The following UBN2 variants were observed in gnomAD, a reference collection of about 807,000 sequenced individuals.
UBN2 encodes the protein ubinuclein-2.
In UBN2, 35 loss-of-function variants were observed where a neutral mutation model predicts 120.2. The ratio of observed to expected loss-of-function variants is 0.29; its 90% CI spans 0.22 to 0.39. The LOEUF (loss-of-function observed/expected upper bound fraction) is 0.39, where lower values mean the gene tolerates loss of function less well. Among genes scored for constraint, UBN2 ranks in the 10% least tolerant of loss-of-function variants. The pLI is 1.00. For synonymous variants in UBN2, 661 were observed against 648.7 expected, an observed-to-expected ratio of 1.02 and a Z score of -0.29; for missense variants, 1,693 against 1,663.2, an observed-to-expected ratio of 1.02 and a Z score of -0.31.
chr7:139,294,635 G>GT (rs1798058171), intron 17 of UBN2, among the ~76,000 whole-genome samples: 1 of 152,196 alleles, frequency 6.6e-6, no homozygotes, highest in South Asian at 2.1e-4. Flanking sequence ...GAGGTTGGGA[G>GT]TTTGAGACCA....
chr7:139,285,559 C>T (rs990844809), intron 15 of UBN2, among the ~76,000 whole-genome samples: 1 of 152,034 alleles, frequency 6.6e-6, no homozygotes, highest in Non-Finnish European at 1.5e-5. Flanking sequence ...CTTTTTGTTC[C>T]GTTATCATTA....
At chr7:139,309,227 CAT>C (rs1000749139), downstream of UBN2, among the ~76,000 whole-genome samples, 3 of 152,162 alleles carry the variant, frequency 2.0e-5, no homozygotes, top group African/African-American at 7.2e-5. Context: ...TCAAAAAGGA[CAT>C]AACACCCCAA....
At position 139,231,503 on chromosome 7, in the gene UBN2, G is replaced by T; in HGVS notation, c.19G>T (p.Val7Leu). 2 of 1,411,570 alleles carry T rather than the reference G, an allele frequency of 1.4e-6. No individual in the cohort carries two copies. Among genetic ancestry groups the T allele is most frequent in the Non-Finnish European group, 1.9e-6 (2 of 1,075,002 alleles). 87.4% of individuals were successfully genotyped at this position (1,411,570 alleles called of 1,614,324 possible). The change falls in exon 1 of 18, where the codon GTA becomes TTA. Residue 7 changes from valine (V) to leucine (L), a missense_variant. Coordinates refer to ENST00000473989, the MANE Select transcript of UBN2 (RefSeq NM_173569.4). MAEPRR[V>L]AFISLSPVRR... ...AGTGGGGATGGCGGAGCCGCGCAGA[G>T]TAGCGTTCATTAGCTTGTCACCGGT...
At chr7:139,246,859 T>C (rs930013614) in intron 2 of UBN2, among the ~76,000 whole-genome samples, 4 of 152,198 alleles carry the variant, frequency 2.6e-5, no homozygotes, top group African/African-American at 4.8e-5. Flanking sequence ...ATAGTACTTT[T>C]GAAATTCCTC....
chr7:139,322,968 G>A, the UBN2 span, among the ~76,000 whole-genome samples: 3 of 152,114 alleles, frequency 2.0e-5, no homozygotes, highest in African/African-American at 7.2e-5. Context: ...TGACGAGAAG[G>A]AATCACTCAC....
Position 139,261,525 on chromosome 7 carries a change from T to C in UBN2, c.1179T>C (p.Phe393=). The change falls in exon 6 of 18, where the codon TTT becomes TTC. Residue 393 remains phenylalanine, a synonymous_variant. Transcript: ENST00000473989. The stretch of plus-strand genomic sequence containing the variant: ...TTAGCACAAATGAACATGAGCTGTT[T>C]CAGGAAGCTGAAAATGCCCTAGAGA... ...IFVSTNEHEL[F]QEAENALEML... is the part of the protein sequence containing the mutation. 6.2e-7 allele frequency: 1 copy of C among 1,614,200 alleles called. No homozygotes were observed. The highest frequency in any genetic ancestry group is 8.5e-7 in the Non-Finnish European group (1 of 1,180,038).
chr7:139,265,949 G>A (rs1346645704), intron 6 of UBN2, among the ~76,000 whole-genome samples: 2 of 152,148 alleles, frequency 1.3e-5, no homozygotes, highest in Middle Eastern at 3.4e-3. Context: ...GTGGTAGTTT[G>A]CTATAATAGC....
the UBN2 span, among the ~76,000 whole-genome samples, chr7:139,319,207 C>T: frequency 2.6e-5 from 4 of 152,216 alleles, no homozygotes; most frequent in South Asian, 2.1e-4. Flanking sequence ...CTCAGCTTCC[C>T]GAGTAGCTGG....
intron 12 of UBN2, 22 bp downstream of exon 12, chr7:139,276,169 A>G: frequency 1.9e-6 from 3 of 1,609,152 alleles, no homozygotes; most frequent in African/African-American, 2.7e-5. Context: ...CAGACTCCAG[A>G]TTGCTTCATT....
chr7:139,311,205 CT>C (rs1445115656), downstream of UBN2, among the ~76,000 whole-genome samples: 6 of 152,310 alleles, frequency 3.9e-5, 1 homozygote, highest in Admixed American at 2.0e-4. Context: ...GATCGTACAC[CT>C]TTTAAAGGAC....
At chr7:139,317,685 CAG>C in the UBN2 span, among the ~76,000 whole-genome samples, 1 of 151,510 alleles carries the variant, frequency 6.6e-6, no homozygotes. Context: ...TTTTTTGAGA[CAG>C]AGTGTCACTC....
At chr7:139,317,938 CAGGCATGAGCCACCGCACG>C in the UBN2 span, among the ~76,000 whole-genome samples, 3 of 152,228 alleles carry the variant, frequency 2.0e-5, no homozygotes, top group African/African-American at 7.2e-5. Flanking sequence ...GCTGGGATTA[CAGGCATGAGCCACCGCACG>C]CAGCCCAACT....
the UBN2 span, among the ~76,000 whole-genome samples, chr7:139,325,819 C>T: frequency 1.3e-5 from 2 of 152,168 alleles, no homozygotes; most frequent in Non-Finnish European, 2.9e-5. Flanking sequence ...GCTCCTTTAC[C>T]TTCACATAAA....
At chr7:139,262,943 G>A (rs527872162) in intron 6 of UBN2, among the ~76,000 whole-genome samples, 1 of 152,202 alleles carries the variant, frequency 6.6e-6, no homozygotes, top group South Asian at 2.1e-4. Context: ...ATTCATAATA[G>A]CTATCGTTTA....
chr7:139,261,964 T>A (rs920270418), intron 6 of UBN2, among the ~76,000 whole-genome samples: 4 of 147,764 alleles, frequency 2.7e-5, no homozygotes, highest in African/African-American at 1.0e-4. Flanking sequence ...TTTTTTTTTT[T>A]AGTAGAGACG....
chr7:139,237,448 C>T (rs868062209), intron 2 of UBN2, among the ~76,000 whole-genome samples: 8 of 152,048 alleles, frequency 5.3e-5, no homozygotes, highest in Admixed American at 2.0e-4. Context: ...AGGGGCAACA[C>T]CACACCCAGC....
At chr7:139,281,596 G>C (rs1218589329) in intron 13 of UBN2, among the ~76,000 whole-genome samples, 1 of 151,902 alleles carries the variant, frequency 6.6e-6, no homozygotes, top group African/African-American at 2.4e-5. Flanking sequence ...TTTTGACTCA[G>C]TTATATATCC....
At chr7:139,260,691 A>G (rs1367976995) in intron 5 of UBN2, among the ~76,000 whole-genome samples, 3 of 152,222 alleles carry the variant, frequency 2.0e-5, no homozygotes, top group Admixed American at 2.0e-4. Context: ...TTAAGAAATT[A>G]GGAGGAAAAA....
Position 139,261,573 on chromosome 7 carries a change from C to T in UBN2, c.1227C>T (p.Asp409=), listed in dbSNP as rs536452373. 53 of 1,614,192 alleles carry T rather than the reference C, an allele frequency of 3.3e-5. 2 individuals carry two copies. The highest frequency in any genetic ancestry group is 3.3e-4 in the Middle Eastern group (2 of 6,062). Residue 409 remains aspartate, a synonymous_variant, in exon 6 of 18, where the codon GAC becomes GAT. Coordinates refer to ENST00000473989, the MANE Select transcript of UBN2 (RefSeq NM_173569.4). ...ALEMLDDFDF[D]RLLDAASDGS... is the part of the protein sequence containing the mutation. ...AGATGCTAGATGATTTTGACTTCGACAGATTACTGGATGCTGCTTCTGATG... is the reference window on the plus strand; with the variant it reads ...AGATGCTAGATGATTTTGACTTCGATAGATTACTGGATGCTGCTTCTGATG...
Sources: allele counts gnomAD v4.1 joint callset (sites outside exome capture counted in the v4.1 genomes callset), GRCh38; gene constraint gnomAD v4.1.1; transcripts MANE v1.5; gene names NCBI Gene and HGNC (gene_info 2026-07-23, HGNC 2026-07-21).